Variants in TENM3 observed in about 807,000 individuals in gnomAD.
TENM3 encodes teneurin-3.
Under a neutral mutation model 255.1 loss-of-function variants are expected in TENM3, and 63 were observed. That is an observed-to-expected ratio of 0.25 (90% CI 0.20 to 0.30). The LOEUF is 0.30. Among genes scored for constraint, TENM3 ranks in the 10% least tolerant of loss-of-function variants. The probability of loss-of-function intolerance (pLI) is 1.00; values close to 1 mark genes in which losing one functional copy is unlikely to be tolerated. For missense variants in TENM3, 2,929 were observed against 3,461.1 expected, an observed-to-expected ratio of 0.85 and a Z score of 3.86; for synonymous variants, 1,306 against 1,322.3, an observed-to-expected ratio of 0.99 and a Z score of 0.27.
At chr4:182,324,967 C>T (rs1022526840) in intron 2 of TENM3, among the ~76,000 whole-genome samples, 5 of 152,154 alleles carry the variant, frequency 3.3e-5, no homozygotes, top group African/African-American at 1.2e-4. Flanking sequence ...TAAACCTACC[C>T]ATTTCTACTC....
the TENM3 span, among the ~76,000 whole-genome samples, chr4:181,791,721 G>A: frequency 6.6e-6 from 1 of 152,158 alleles, no homozygotes; most frequent in Admixed American, 6.6e-5. Flanking sequence ...CTAAACAACT[G>A]ATGCAGGTAA....
chr4:182,406,239 A>C (rs1269554787), intron 3 of TENM3, among the ~76,000 whole-genome samples: 2 of 152,132 alleles, frequency 1.3e-5, no homozygotes, highest in African/African-American at 4.8e-5. Context: ...TGGGAGTCAG[A>C]GGTTGCAGTG....
intron 3 of TENM3, among the ~76,000 whole-genome samples, chr4:182,497,652 C>T (rs920089138): frequency 1.3e-5 from 2 of 151,964 alleles, no homozygotes; most frequent in Non-Finnish European, 2.9e-5. Context: ...CATAGGCAAC[C>T]TAACTTTTTA....
At chr4:181,801,874 G>A in the TENM3 span, among the ~76,000 whole-genome samples, 3 of 151,944 alleles carry the variant, frequency 2.0e-5, no homozygotes, top group Admixed American at 6.6e-5. Context: ...CTATAATTTA[G>A]AGGCAAGTCA....
chr4:181,724,352 T>A, the TENM3 span, among the ~76,000 whole-genome samples: 1 of 152,136 alleles, frequency 6.6e-6, no homozygotes, highest in East Asian at 1.9e-4. Flanking sequence ...ATTTTCTCTT[T>A]TTTTTTTCTT....
intron 5 of TENM3, among the ~76,000 whole-genome samples, chr4:182,641,037 G>C (rs1285616738): frequency 6.6e-6 from 1 of 152,172 alleles, no homozygotes; most frequent in Non-Finnish European, 1.5e-5. Flanking sequence ...AGCTGAACTT[G>C]ATAAGGCAGT....
chr4:181,481,308 T>C, the TENM3 span, among the ~76,000 whole-genome samples: 1 of 152,128 alleles, frequency 6.6e-6, no homozygotes, highest in Non-Finnish European at 1.5e-5. Context: ...TGATGTTTCA[T>C]GCCGATGCTA....
chr4:181,501,293 G>A, the TENM3 span, among the ~76,000 whole-genome samples: 3 of 152,020 alleles, frequency 2.0e-5, no homozygotes, highest in Admixed American at 6.6e-5. Context: ...TTTGAAAGTC[G>A]ATTTTTCTTG....
At chr4:181,503,709 T>C in the TENM3 span, among the ~76,000 whole-genome samples, 5 of 152,174 alleles carry the variant, frequency 3.3e-5, no homozygotes, top group Admixed American at 6.5e-5. Flanking sequence ...GGAAACTTTC[T>C]CTGCTCAAAG....
At chr4:181,836,585 T>A in the TENM3 span, among the ~76,000 whole-genome samples, 1 of 152,160 alleles carries the variant, frequency 6.6e-6, no homozygotes, top group Non-Finnish European at 1.5e-5. Flanking sequence ...CATTTATCGC[T>A]TGTTCAGCTA....
the TENM3 span, among the ~76,000 whole-genome samples, chr4:181,859,926 G>A: frequency 6.6e-6 from 1 of 151,836 alleles, no homozygotes; most frequent in Non-Finnish European, 1.5e-5. Flanking sequence ...TTTCTTTAAT[G>A]TCTTGACTCT....
At chr4:181,933,255 A>C in the TENM3 span, among the ~76,000 whole-genome samples, 1 of 152,222 alleles carries the variant, frequency 6.6e-6, no homozygotes, top group African/African-American at 2.4e-5. Context: ...AGCTTTAGAA[A>C]GAGTAATAAA....
At chr4:181,699,120 TG>T in the TENM3 span, among the ~76,000 whole-genome samples, 1 of 152,182 alleles carries the variant, frequency 6.6e-6, no homozygotes, top group African/African-American at 2.4e-5. Context: ...TTCAGGCCTA[TG>T]GGCAACAGAG....
At chr4:181,881,689 T>A in the TENM3 span, among the ~76,000 whole-genome samples, 221 of 152,268 alleles carry the variant, frequency 1.5e-3, 3 homozygotes, top group Non-Finnish European at 1.6e-4. Flanking sequence ...GGACTGAGTG[T>A]GTTTCCTGGA....
At chr4:182,665,599 TA>T (rs1754601039) in intron 6 of TENM3, among the ~76,000 whole-genome samples, 1 of 151,988 alleles carries the variant, frequency 6.6e-6, no homozygotes, top group Admixed American at 6.6e-5. Context: ...CAAAATCAAT[TA>T]AAAACCTCCT....
chr4:181,649,861 G>C, the TENM3 span, among the ~76,000 whole-genome samples: 1 of 152,152 alleles, frequency 6.6e-6, no homozygotes, highest in African/African-American at 2.4e-5. Context: ...CAGAGATAAT[G>C]TGTCATTCCA....
At chr4:181,553,260 A>AGT in the TENM3 span, among the ~76,000 whole-genome samples, 22,108 of 133,260 alleles carry the variant, frequency 0.17, 1,852 homozygotes, top group East Asian at 0.26. Context: ...ATAGTCATTA[A>AGT]GTGTGTGTGT....
At chr4:182,251,429 C>G (rs574535086) in intron 1 of TENM3, among the ~76,000 whole-genome samples, 81 of 152,232 alleles carry the variant, frequency 5.3e-4, no homozygotes, top group South Asian at 2.5e-3. Flanking sequence ...GATCACACCA[C>G]TGAACTCCAG....
the TENM3 span, among the ~76,000 whole-genome samples, chr4:181,468,959 T>G: frequency 6.6e-6 from 1 of 152,242 alleles, no homozygotes; most frequent in African/African-American, 2.4e-5. Flanking sequence ...TTTTGGTATA[T>G]CAGTTTGTAA....
Sources: gnomAD v4.1 joint callset for allele counts (sites outside exome capture counted in the v4.1 genomes callset) on GRCh38, gnomAD v4.1.1 for gene constraint, MANE v1.5 for transcripts, NCBI Gene and HGNC (gene_info 2026-07-23, HGNC 2026-07-21) for gene names.